The following GMDS variants were observed in gnomAD, a reference collection of about 807,000 sequenced individuals.
GMDS encodes the protein GDP-mannose 4,6 dehydratase.
Under a neutral mutation model 49.9 loss-of-function variants are expected in GMDS, and 20 were observed. The ratio of observed to expected loss-of-function variants is 0.40; its 90% CI spans 0.28 to 0.58. The LOEUF is 0.58. Among genes scored for constraint, GMDS ranks in the 20% least tolerant of loss-of-function variants. The probability of loss-of-function intolerance (pLI) is 0.42; values close to 1 mark genes in which losing one functional copy is unlikely to be tolerated. For synonymous variants in GMDS, 177 were observed against 178.6 expected, an observed-to-expected ratio of 0.99 and a Z score of 0.07; for missense variants, 362 against 481.4, an observed-to-expected ratio of 0.75 and a Z score of 2.32.
chr6:2,180,522 T>A (rs955222675), intron 1 of GMDS, among the ~76,000 whole-genome samples: 4 of 152,216 alleles, frequency 2.6e-5, no homozygotes, highest in Non-Finnish European at 5.9e-5. Context: ...TTTTCCCTTT[T>A]TCCTCTCACT....
At chr6:2,218,808 A>G (rs901234013) in intron 1 of GMDS, among the ~76,000 whole-genome samples, 1 of 152,336 alleles carries the variant, frequency 6.6e-6, no homozygotes, top group African/African-American at 2.4e-5. Flanking sequence ...AATTATCTTC[A>G]TTCTATACAT....
At chr6:2,176,169 AT>A (rs1220463416) in intron 1 of GMDS, among the ~76,000 whole-genome samples, 1 of 152,218 alleles carries the variant, frequency 6.6e-6, no homozygotes, top group Non-Finnish European at 1.5e-5. Context: ...TGATTGACAA[AT>A]AGTACCAAAA....
At chr6:2,186,179 AAGGGAATGT>A (rs1245000208) in intron 1 of GMDS, among the ~76,000 whole-genome samples, 6 of 152,176 alleles carry the variant, frequency 3.9e-5, no homozygotes, top group Non-Finnish European at 7.3e-5. Flanking sequence ...CAGAAACATA[AAGGGAATGT>A]AGGAAAATGA....
At chr6:1,866,761 G>A (rs1401862288) in intron 7 of GMDS, among the ~76,000 whole-genome samples, 1 of 152,216 alleles carries the variant, frequency 6.6e-6, no homozygotes, top group Non-Finnish European at 1.5e-5. Flanking sequence ...TAGGTGAGCA[G>A]ATGCTGCTGA....
At chr6:1,961,932 A>G (rs1394111900) in intron 4 of GMDS, among the ~76,000 whole-genome samples, 1 of 152,068 alleles carries the variant, frequency 6.6e-6, no homozygotes, top group African/African-American at 2.4e-5. Context: ...AGACCACTAA[A>G]CTCATGTCAT....
chr6:2,041,648 AGGGGAGGTGGGGTCAT>A (rs1010807450), intron 4 of GMDS, among the ~76,000 whole-genome samples: 2 of 151,946 alleles, frequency 1.3e-5, no homozygotes, highest in African/African-American at 2.4e-5. Flanking sequence ...GTGAGGGTCA[AGGGGAGGTGGGGTCAT>A]GGGGAGGTGG....
At chr6:1,958,690 T>G (rs1486321681) in intron 6 of GMDS, among the ~76,000 whole-genome samples, 1 of 152,158 alleles carries the variant, frequency 6.6e-6, no homozygotes, top group Non-Finnish European at 1.5e-5. Flanking sequence ...GACTTGTTGG[T>G]GTAATTAGGC....
At chr6:2,217,696 T>C (rs1177956673) in intron 1 of GMDS, among the ~76,000 whole-genome samples, 1 of 152,164 alleles carries the variant, frequency 6.6e-6, no homozygotes, top group Admixed American at 6.5e-5. Context: ...ACTCAATATG[T>C]TTCAGCTGCT....
At chr6:1,902,077 A>C (rs942734680) in intron 7 of GMDS, among the ~76,000 whole-genome samples, 1 of 152,270 alleles carries the variant, frequency 6.6e-6, no homozygotes, top group Non-Finnish European at 1.5e-5. Flanking sequence ...TGTGCCATTT[A>C]CCAAATGCCA....
chr6:1,624,407 T>A (rs999375973), intron 10 of GMDS, 65 bp downstream of exon 10: 92 of 1,475,352 alleles, frequency 6.2e-5, no homozygotes, highest in Non-Finnish European at 8.4e-5. Context: ...CGCCCGACCC[T>A]GAGAGCTGCC....
intron 1 of GMDS, among the ~76,000 whole-genome samples, chr6:2,186,970 C>G (rs1778806007): frequency 6.6e-6 from 1 of 152,172 alleles, no homozygotes; most frequent in Non-Finnish European, 1.5e-5. Context: ...TGTTTAAAAA[C>G]AATAAATGTA....
intron 1 of GMDS, among the ~76,000 whole-genome samples, chr6:2,143,868 A>G (rs550939737): frequency 6.6e-6 from 1 of 152,332 alleles, no homozygotes; most frequent in South Asian, 2.1e-4. Context: ...TCACGTGAAC[A>G]TTCCATATCT....
chr6:1,709,076 C>T (rs1765850502), intron 9 of GMDS, among the ~76,000 whole-genome samples: 1 of 152,182 alleles, frequency 6.6e-6, no homozygotes, highest in Non-Finnish European at 1.5e-5. Context: ...GTAGGCATGA[C>T]AGGTTATGTC....
intron 1 of GMDS, among the ~76,000 whole-genome samples, chr6:2,158,362 A>T (rs1483721196): frequency 6.6e-6 from 1 of 152,230 alleles, no homozygotes; most frequent in African/African-American, 2.4e-5. Context: ...TTTATAATTG[A>T]AAAAAGTACT....
intron 4 of GMDS, among the ~76,000 whole-genome samples, chr6:2,026,298 A>T (rs2127411291): frequency 6.6e-6 from 1 of 152,254 alleles, no homozygotes; most frequent in South Asian, 2.1e-4. Flanking sequence ...TTAGTTCCCA[A>T]GCACACACCT....
At position 1,737,609 on chromosome 6, in the gene GMDS, CCACAAA is replaced by C. The variant is rs1391680902; in HGVS notation, c.890+4853_890+4858del. On this transcript the variant is annotated intron_variant, in intron 8 of 10. Coordinates refer to ENST00000380815, the MANE Select transcript of GMDS (RefSeq NM_001500.4). The stretch of plus-strand genomic sequence containing the variant: ...CACACACATACACACACCACACACA[CCACAAA>C]CACACACACAGATACACACGCACAC... 5.8e-3 allele frequency among the ~76,000 whole-genome samples: 844 copies of C among 145,662 alleles called. 5 individuals are homozygous for C. The highest frequency in any genetic ancestry group is 0.021 in the African/African-American group (815 of 39,162).
At chr6:1,900,874 A>C (rs1760466216) in intron 7 of GMDS, among the ~76,000 whole-genome samples, 1 of 152,242 alleles carries the variant, frequency 6.6e-6, no homozygotes, top group African/African-American at 2.4e-5. Flanking sequence ...ACTGCAAAAA[A>C]GCACTCTCGA....
chr6:2,052,070 T>C (rs1015056728), intron 4 of GMDS, among the ~76,000 whole-genome samples: 2 of 143,128 alleles, frequency 1.4e-5, no homozygotes, highest in Non-Finnish European at 3.0e-5. Context: ...TGAGCCAAGA[T>C]TGCACCACTG....
chr6:1,740,420 G>A (rs901175235), intron 8 of GMDS, among the ~76,000 whole-genome samples: 4 of 152,038 alleles, frequency 2.6e-5, no homozygotes, highest in African/African-American at 9.7e-5. Flanking sequence ...AGATGGGCGT[G>A]GTGGTCCATG....
Sources: gnomAD v4.1 joint callset for allele counts (sites outside exome capture counted in the v4.1 genomes callset) on GRCh38, gnomAD v4.1.1 for gene constraint, MANE v1.5 for transcripts, NCBI Gene and HGNC (gene_info 2026-07-23, HGNC 2026-07-21) for gene names.